The following PMS2 variants were observed in gnomAD, a reference collection of about 807,000 sequenced individuals.
PMS2 encodes the protein PMS1 homolog 2, mismatch repair system component.
A neutral mutation model predicts 90.0 loss-of-function variants in PMS2; 69 were observed. The ratio of observed to expected loss-of-function variants is 0.77; its 90% CI spans 0.63 to 0.94. PMS2 has a LOEUF of 0.94. Ranked by LOEUF, PMS2 falls within the 40% of genes least tolerant of loss-of-function variation. The probability of loss-of-function intolerance (pLI) is 0.00; values close to 1 mark genes in which losing one functional copy is unlikely to be tolerated. For missense variants in PMS2, 966 were observed against 1,040.2 expected (o/e 0.93, Z 0.98); for synonymous variants, 332 against 375.1 (o/e 0.89, Z 1.33).
chr7:5,984,769 AGT>A (rs1445857382), intron 11 of PMS2, among the ~76,000 whole-genome samples: 1 of 151,522 alleles, frequency 6.6e-6, no homozygotes, highest in Admixed American at 6.6e-5. Context: ...TGGGCGAAAG[AGT>A]GAGACTCTTG....
At chr7:6,006,626 C>A (rs1304650222) in intron 1 of PMS2, among the ~76,000 whole-genome samples, 1 of 151,050 alleles carries the variant, frequency 6.6e-6, no homozygotes, top group Non-Finnish European at 1.5e-5. Context: ...GCACTCCAGC[C>A]TGGGCAACGA....
rs548285941 is a variant in PMS2 at position 6,002,436 on chromosome 7, G to A, written c.537+17C>T. On this transcript the variant is annotated intron_variant, in intron 5 of 14. Coordinates refer to ENST00000265849, the MANE Select transcript of PMS2 (RefSeq NM_000535.7). ...CATTAACCAATACTCTTGAAAACCA[G>A]GATTAATTTACTGTACCTTCTTAAT... 240 of 1,550,034 alleles carry A rather than the reference G, an allele frequency of 1.5e-4. 4 individuals are homozygous for A. The South Asian group carries it at 2.5e-3, about 16-fold the overall frequency.
rs766177007 is a variant in PMS2 at position 5,995,585 on chromosome 7, T to C, written c.852A>G (p.Ser284=). 5.0e-6 allele frequency: 8 copies of C among 1,614,086 alleles called. No individual in the cohort carries two copies. In the Admixed American group the frequency reaches 1.2e-4, roughly 24 times the overall value. The change falls in exon 8 of 15, where the codon TCA becomes TCG. Residue 284 remains serine (S), a synonymous_variant. Coordinates refer to ENST00000265849, the MANE Select transcript of PMS2 (RefSeq NM_000535.7). ...SQCTHGVGRS[S]TDRQFFFINR... ...TGATAAAGAAAAACTGTCTGTCTGT[T>C]GAACTCCTTCCAACTCCATGCGTGC...
intron 11 of PMS2, among the ~76,000 whole-genome samples, chr7:5,983,627 C>T (rs531458305): frequency 1.3e-5 from 2 of 151,768 alleles, no homozygotes; most frequent in East Asian, 3.9e-4. Flanking sequence ...GACCTGTACA[C>T]ATAGATCTAC....
At chr7:5,979,622 G>C (rs796213547) in intron 12 of PMS2, among the ~76,000 whole-genome samples, 13 of 145,596 alleles carry the variant, frequency 8.9e-5, no homozygotes, top group Admixed American at 8.3e-4. Flanking sequence ...TCCTTCCTCT[G>C]CCTGTATTAT....
chr7:6,004,194 G>A (rs1583411547), intron 2 of PMS2, 136 bp from the exon 3 acceptor site: 4 of 626,182 alleles, frequency 6.4e-6, no homozygotes, highest in Non-Finnish European at 1.1e-5. Flanking sequence ...GTGTCATTTT[G>A]TATATTTCAT....
rs864622706 is a variant in PMS2 at position 5,999,172 on chromosome 7, A to C, written c.641T>G (p.Val214Gly). ...GCTGGGGCTTCCACCTGTGCATACC[A>C]CAGGCTGTCGTTTTCCTTGTCCAAG... ...NQLGQGKRQP[V>G]VCTGGSPSIK... The change falls in exon 6 of 15, where the codon GTG (valine) becomes GGG (glycine). Residue 214 changes from valine (V) to glycine (G), a missense_variant. This residue lies in a region of PMS2 where 871 missense variants were observed against 802.4 expected (regional missense o/e 1.09). Transcript: ENST00000265849. The C allele has an allele frequency of 1.9e-6, 3 of 1,614,106 alleles. No individual in the cohort carries two copies. The highest frequency in any genetic ancestry group is 2.5e-6 in the Non-Finnish European group (3 of 1,180,016).
chr7:6,006,131 G>C (rs1785738524), intron 1 of PMS2, 100 bp from the exon 2 acceptor site: 2 of 1,274,764 alleles, frequency 1.6e-6, no homozygotes, highest in Admixed American at 3.4e-5. Flanking sequence ...AATAATTTAT[G>C]GGTCTAATCT....
rs764224007 is a variant in PMS2, at chr7:5,973,303, C to G, written c.*96G>C. The G allele has an allele frequency of 1.1e-4, 156 of 1,418,476 alleles. 13 individuals carry two copies. The highest frequency in any genetic ancestry group is 1.5e-4 in the Non-Finnish European group (155 of 1,027,288). 87.9% of individuals were successfully genotyped at this position (1,418,476 alleles called of 1,614,324 possible). On this transcript the variant is annotated 3_prime_UTR_variant, in exon 15 of 15. Coordinates refer to ENST00000265849, the MANE Select transcript of PMS2 (RefSeq NM_000535.7). ...TGTGATGTGTATTTTTTTTAAGTAG[C>G]AGGTTCATTTTAAAACAAAAAAGGT...
intron 2 of PMS2, among the ~76,000 whole-genome samples, chr7:6,004,836 G>C (rs1270011775): frequency 1.3e-5 from 2 of 151,918 alleles, no homozygotes; most frequent in Non-Finnish European, 2.9e-5. Context: ...TTGTAAAATA[G>C]AGAATAATAA....
At chr7:5,990,726 A>G (rs1783643356) in intron 9 of PMS2, among the ~76,000 whole-genome samples, 1 of 152,114 alleles carries the variant, frequency 6.6e-6, no homozygotes, top group Non-Finnish European at 1.5e-5. Flanking sequence ...ATAATTAAAG[A>G]TGTAGGCTGA....
rs748021566 is a variant in PMS2, at chr7:5,978,555, G to C, written c.2275+41C>G. ...CAGAGTGCTGGGATTACAGACGTGA[G>C]CCACCACACCCAGCCGCTATAGTTC... On this transcript the variant is annotated intron_variant, in intron 13 of 14. Coordinates refer to ENST00000265849, the MANE Select transcript of PMS2 (RefSeq NM_000535.7). 9.8e-6 allele frequency: 15 copies of C among 1,532,058 alleles called. 1 individual carries two copies. Among genetic ancestry groups the C allele is most frequent in the Non-Finnish European group, 8.0e-6 (9 of 1,118,774 alleles). The allele number at this position is 1,532,058 out of a possible 1,614,324, so 94.9% of individuals were successfully genotyped here.
intron 8 of PMS2, among the ~76,000 whole-genome samples, chr7:5,993,424 G>A (rs1783995466): frequency 1.2e-4 from 1 of 8,506 alleles, no homozygotes. Flanking sequence ...TATTACTGAG[G>A]TACAATGTGT....
chr7:5,997,151 T>C (rs2128784930), intron 7 of PMS2, among the ~76,000 whole-genome samples, 175 bp downstream of exon 7: 1 of 151,268 alleles, frequency 6.6e-6, no homozygotes, highest in Non-Finnish European at 1.5e-5. Flanking sequence ...GAGGTAGAGG[T>C]TGCAGTGAGC....
chr7:5,984,277 G>A (rs1014495775), intron 11 of PMS2, among the ~76,000 whole-genome samples: 4 of 151,760 alleles, frequency 2.6e-5, no homozygotes, highest in Non-Finnish European at 5.9e-5. Flanking sequence ...TGGGTCCTTT[G>A]CGGGTGGCTT....
Position 6,009,028 on chromosome 7 carries a change from C to T in PMS2, c.-9G>A, listed in dbSNP as rs778155088. 1.9e-6 allele frequency: 3 copies of T among 1,612,494 alleles called. No homozygotes were observed. Among genetic ancestry groups the T allele is most frequent in the East Asian group, 2.2e-5 (1 of 44,880 alleles). The stretch of plus-strand genomic sequence containing the variant: ...CTCTCAGCTCGCTCCATGGATGCAA[C>T]ACCCGATCCGCCTCGGGGACTGGGA... On this transcript the variant is annotated 5_prime_UTR_variant, in exon 1 of 15. Coordinates refer to ENST00000265849, the MANE Select transcript of PMS2 (RefSeq NM_000535.7).
intron 8 of PMS2, among the ~76,000 whole-genome samples, chr7:5,993,286 G>A (rs1411539745): frequency 6.9e-6 from 1 of 145,696 alleles, no homozygotes; most frequent in Non-Finnish European, 1.5e-5. Context: ...CAGGAGAATT[G>A]CTTGAACCTG....
intron 8 of PMS2, among the ~76,000 whole-genome samples, chr7:5,992,405 T>C (rs1036672767): frequency 1.3e-4 from 20 of 151,808 alleles, no homozygotes; most frequent in African/African-American, 4.8e-4. Context: ...CTGCAACCTC[T>C]GCCTCCGGGG....
At chr7:5,983,833 G>A (rs574023915) in intron 11 of PMS2, among the ~76,000 whole-genome samples, 1 of 151,542 alleles carries the variant, frequency 6.6e-6, no homozygotes, top group Non-Finnish European at 1.5e-5. Context: ...TTTATTTTTA[G>A]TAGAGACAAG....
Sources: gnomAD v4.1 joint callset for allele counts (sites outside exome capture counted in the v4.1 genomes callset) on GRCh38, gnomAD v4.1.1 for gene constraint, gnomAD v4.1.1 regional missense constraint, MANE v1.5 for transcripts, NCBI Gene and HGNC (gene_info 2026-07-23, HGNC 2026-07-21) for gene names.